Variants in SETD2 observed in about 807,000 individuals in gnomAD.
SETD2 encodes the protein SET domain containing 2, histone lysine methyltransferase, also known as histone-lysine N-methyltransferase SETD2.
In SETD2, 31 loss-of-function variants were observed where a neutral mutation model predicts 242.1. The ratio of observed to expected loss-of-function variants is 0.13; its 90% CI spans 0.10 to 0.17. The LOEUF (loss-of-function observed/expected upper bound fraction) is 0.17, where lower values mean the gene tolerates loss of function less well. Among genes scored for constraint, SETD2 ranks in the 10% least tolerant of loss-of-function variants. The pLI, the probability that SETD2 is intolerant of heterozygous loss-of-function variation, is 1.00. For missense variants in SETD2, 2,481 were observed against 3,046.3 expected (o/e 0.81, Z 4.37); for synonymous variants, 1,006 against 1,066.5 (o/e 0.94, Z 1.11).
intron 12 of SETD2, among the ~76,000 whole-genome samples, chr3:47,069,317 G>A (rs2040710154): frequency 6.6e-6 from 1 of 152,096 alleles, no homozygotes; most frequent in Non-Finnish European, 1.5e-5. Context: ...TGAGATTTAT[G>A]CACAAATGCA....
intron 18 of SETD2, among the ~76,000 whole-genome samples, chr3:47,030,967 T>C (rs778095422): frequency 6.6e-6 from 1 of 152,204 alleles, no homozygotes; most frequent in East Asian, 1.9e-4. Context: ...TCAATGCATA[T>C]TGCTAAGTGA....
chr3:47,160,852 C>T (rs1054261155), intron 1 of SETD2, among the ~76,000 whole-genome samples: 5 of 152,150 alleles, frequency 3.3e-5, no homozygotes, highest in African/African-American at 1.2e-4. Flanking sequence ...CCTGGGCCTG[C>T]CCCATAATGG....
intron 18 of SETD2, among the ~76,000 whole-genome samples, chr3:47,023,541 C>T (rs2038334354): frequency 6.6e-6 from 1 of 152,118 alleles, no homozygotes; most frequent in African/African-American, 2.4e-5. Flanking sequence ...TCAACCTAAG[C>T]TCTGCAGCAC....
In SETD2 at chr3:47,121,370, C is replaced by A. The variant is rs536163785; in HGVS notation, c.3266G>T (p.Arg1089Leu). ...ATAGTGTCTATAACTTTGACTGCTCCGAGAAGAACAAGGACTTGTTTCTTC... is the reference window on the plus strand; with the variant it reads ...ATAGTGTCTATAACTTTGACTGCTCAGAGAAGAACAAGGACTTGTTTCTTC... ...PMEETSPCSS[R>L]SSQSYRHYSD... The change falls in exon 3 of 21, where the codon CGG becomes CTG. Residue 1089 changes from arginine (R) to leucine (L), a missense_variant. Arg to Leu is a moderately radical substitution (Grantham distance 102). This residue lies in a region of SETD2 where 1,300 missense variants were observed against 1,259.2 expected (regional missense o/e 1.03). Coordinates refer to ENST00000409792, the MANE Select transcript of SETD2 (RefSeq NM_014159.7). 1.9e-6 allele frequency: 3 copies of A among 1,609,602 alleles called. No individual in the cohort carries two copies. In the South Asian group the frequency reaches 3.3e-5, roughly 18 times the overall value.
chr3:47,132,649 C>T (rs1223647722), intron 1 of SETD2, among the ~76,000 whole-genome samples: 1 of 101,928 alleles, frequency 9.8e-6, no homozygotes, highest in Non-Finnish European at 2.0e-5. Flanking sequence ...TCACTCCAGA[C>T]CTTCTACTGA....
chr3:47,026,075 C>G (rs558109172), intron 18 of SETD2, among the ~76,000 whole-genome samples: 1 of 152,258 alleles, frequency 6.6e-6, no homozygotes, highest in Admixed American at 6.5e-5. Flanking sequence ...GGGCTAATAT[C>G]CAGAATCTAC....
rs148618471 is a variant in SETD2, at chr3:47,086,228, G to A, written c.5364C>T (p.Asp1788=). The A allele has an allele frequency of 1.0e-4, 161 of 1,612,998 alleles. No individual in the cohort carries two copies. The highest frequency in any genetic ancestry group is 2.0e-4 in the South Asian group (18 of 91,074). ...GAAGCTTCTGGTTACTTTCCCGGCCGTCACCTAGCTCTGCCATCCAGATCC... is the reference window on the plus strand; with the variant it reads ...GAAGCTTCTGGTTACTTTCCCGGCCATCACCTAGCTCTGCCATCCAGATCC... ...LLWIWMAELG[D]GRESNQKLQE... Residue 1788 remains aspartate, a synonymous_variant, in exon 11 of 21, where the codon GAC becomes GAT. Coordinates refer to ENST00000409792, the MANE Select transcript of SETD2 (RefSeq NM_014159.7).
At chr3:47,049,752 TATAA>T (rs1559664503) in intron 15 of SETD2, among the ~76,000 whole-genome samples, 1 of 146,850 alleles carries the variant, frequency 6.8e-6, no homozygotes, top group Non-Finnish European at 1.5e-5. Flanking sequence ...ATATTATATA[TATAA>T]ACTTATTCTA....
intron 5 of SETD2, among the ~76,000 whole-genome samples, chr3:47,111,962 G>C (rs1164060149): frequency 2.6e-5 from 4 of 152,110 alleles, no homozygotes; most frequent in Admixed American, 1.3e-4. Flanking sequence ...AGAGGGTTCT[G>C]AAAGAATAGT....
chr3:47,073,460 CAA>C (rs2040916740), intron 12 of SETD2, among the ~76,000 whole-genome samples: 1 of 151,636 alleles, frequency 6.6e-6, no homozygotes, highest in African/African-American at 2.4e-5. Flanking sequence ...GCAAGTAGGT[CAA>C]AGAGATTTGA....
chr3:47,027,116 A>T (rs1357139370), intron 18 of SETD2, among the ~76,000 whole-genome samples: 2 of 152,054 alleles, frequency 1.3e-5, no homozygotes. Context: ...TGGGCAGATC[A>T]CAAGGTCAGG....
At chr3:47,134,131 C>G (rs1174802039) in intron 1 of SETD2, among the ~76,000 whole-genome samples, 3 of 152,108 alleles carry the variant, frequency 2.0e-5, no homozygotes, top group Non-Finnish European at 1.5e-5. Flanking sequence ...ATTAGGAAAC[C>G]AGGAATTTCA....
At chr3:47,116,823 A>T in intron 3 of SETD2, 69 bp from the exon 4 acceptor site, 3 of 1,096,536 alleles carry the variant, frequency 2.7e-6, no homozygotes, top group South Asian at 1.4e-5. Flanking sequence ...TATATAATCA[A>T]ATATGTGCCA....
At chr3:47,045,823 T>C (rs1225244014) in intron 16 of SETD2, among the ~76,000 whole-genome samples, 1 of 146,636 alleles carries the variant, frequency 6.8e-6, no homozygotes, top group Non-Finnish European at 1.5e-5. Context: ...TCACCTGGGC[T>C]GGAGTGCAGT....
chr3:47,050,842 T>C (rs1371834087), intron 15 of SETD2, among the ~76,000 whole-genome samples: 1 of 147,234 alleles, frequency 6.8e-6, no homozygotes, highest in Non-Finnish European at 1.5e-5. Context: ...GCAATTCTCC[T>C]GCCTCAGTCT....
intron 18 of SETD2, among the ~76,000 whole-genome samples, chr3:47,023,071 C>G (rs889300564): frequency 2.6e-5 from 4 of 152,064 alleles, no homozygotes; most frequent in Non-Finnish European, 2.9e-5. Flanking sequence ...CAGGACATAC[C>G]CAGCTAATAC....
Position 47,163,842 on chromosome 3 carries a change from G to A in SETD2, c.71+12C>T, listed in dbSNP as rs1159721032. 1.6e-6 allele frequency: 2 copies of A among 1,287,094 alleles called. No individual in the cohort carries two copies. Among genetic ancestry groups the A allele is most frequent in the Non-Finnish European group, 2.0e-6 (2 of 1,009,992 alleles). The allele number at this position is 1,287,094 out of a possible 1,614,324, so 79.7% of individuals were successfully genotyped here. On this transcript the variant is annotated intron_variant, in intron 1 of 20. Coordinates refer to ENST00000409792, the MANE Select transcript of SETD2 (RefSeq NM_014159.7). Reference sequence around the variant, plus strand: ...GCCGACAGCAGCGGGGGGCCGCGGAGCTGATACTTACTCAGGGGTCGGGTG... The same window carrying A: ...GCCGACAGCAGCGGGGGGCCGCGGAACTGATACTTACTCAGGGGTCGGGTG...
chr3:47,087,964 TAAAC>T lies in SETD2; in HGVS notation c.5277+145_5277+148del, dbSNP rs56810001. The stretch of plus-strand genomic sequence containing the variant: ...CTGGATGACAGAACAAGACCCCATC[TAAAC>T]AAACAAACAAACAAACAAACAAACA... On this transcript the variant is annotated intron_variant, in intron 10 of 20. Transcript: ENST00000409792. 384,856 of 738,306 alleles carry T rather than the reference TAAAC, an allele frequency of 0.52. 107,749 individuals are homozygous for T. Among genetic ancestry groups the T allele is most frequent in the East Asian group, 0.54 (16,915 of 31,174 alleles). 45.7% of individuals were successfully genotyped at this position (738,306 alleles called of 1,614,324 possible).
Position 47,122,900 on chromosome 3 carries a change from T to C in SETD2, c.1736A>G (p.Asn579Ser). Residue 579 changes from asparagine to serine, a missense_variant, in exon 3 of 21, where the codon AAT becomes AGT. Asn to Ser is a conservative substitution (Grantham distance 46). Transcript: ENST00000409792. ...AGAATGAGACTGTTTGATTTCTTCA[T>C]TTAATTCTGTACAACAGAAAGAATT... Reference protein sequence around the residue: ...FKNSFCCTELNEEIKQSHSFS... With the variant: ...FKNSFCCTELSEEIKQSHSFS... 1.2e-6 allele frequency: 2 copies of C among 1,610,584 alleles called. No homozygotes were observed. The highest frequency in any genetic ancestry group is 1.1e-5 in the South Asian group (1 of 90,506).
Sources: gnomAD v4.1 joint callset for allele counts (sites outside exome capture counted in the v4.1 genomes callset) on GRCh38, gnomAD v4.1.1 for gene constraint, gnomAD v4.1.1 regional missense constraint, MANE v1.5 for transcripts, NCBI Gene and HGNC (gene_info 2026-07-23, HGNC 2026-07-21) for gene names.